The following RNF212B variants were observed in gnomAD, a reference collection of about 807,000 sequenced individuals.
RNF212B encodes ring finger protein 212B.
Under a neutral mutation model 55.5 loss-of-function variants are expected in RNF212B, and 52 were observed. The observed-to-expected ratio is 0.94, with a 90% CI of 0.75 to 1.18. The LOEUF (loss-of-function observed/expected upper bound fraction) is 1.18, where lower values mean the gene tolerates loss of function less well. Among genes scored for constraint, RNF212B ranks in the 50% most tolerant of loss-of-function variants. The probability of loss-of-function intolerance (pLI) is 0.00; values close to 1 mark genes in which losing one functional copy is unlikely to be tolerated. For missense variants in RNF212B, 289 were observed against 350.4 expected (o/e 0.82, Z 1.40); for synonymous variants, 99 against 121.4 (o/e 0.82, Z 1.21).
intron 2 of RNF212B, among the ~76,000 whole-genome samples, chr14:23,208,777 G>GTTTTTTTTTTTTTTTTT (rs1880134380): frequency 3.6e-5 from 1 of 28,108 alleles, no homozygotes; most frequent in African/African-American, 8.1e-5. Context: ...TTTTTTTTTT[G>GTTTTTTTTTTTTTTTTT]AGACGGAGTC....
chr14:23,260,698 T>C lies in RNF212B; in HGVS notation c.434+11T>C. On this transcript the variant is annotated intron_variant, in intron 7 of 14. Transcript: ENST00000430154. ...GTACCAAGGAAGCAGGTCAGTTTTA[T>C]CAGCTCCCATACTAGCCCAGCCCCC... is the stretch of plus-strand genomic sequence containing the variant. The C allele has an allele frequency of 6.5e-7, 1 of 1,550,262 alleles. No individual in the cohort carries two copies. Among genetic ancestry groups the C allele is most frequent in the Non-Finnish European group, 8.7e-7 (1 of 1,146,714 alleles).
At chr14:23,217,450 C>G (rs1881199062) in intron 2 of RNF212B, among the ~76,000 whole-genome samples, 5 of 152,298 alleles carry the variant, frequency 3.3e-5, no homozygotes, top group Admixed American at 3.3e-4. Context: ...AAGAGAAGGG[C>G]CTTGGCCAAG....
chr14:23,226,351 C>T (rs1882015057), intron 2 of RNF212B, among the ~76,000 whole-genome samples: 1 of 150,544 alleles, frequency 6.6e-6, no homozygotes, highest in South Asian at 2.1e-4. Flanking sequence ...GAACACGGGG[C>T]CGGGCGCGGT....
At chr14:23,218,757 G>C (rs762945149) in intron 2 of RNF212B, among the ~76,000 whole-genome samples, 3 of 152,140 alleles carry the variant, frequency 2.0e-5, no homozygotes, top group Admixed American at 1.3e-4. Flanking sequence ...GAGAAAGAGA[G>C]CTAGGGGTAG....
chr14:23,212,140 A>T (rs1443156426), intron 2 of RNF212B, among the ~76,000 whole-genome samples: 1 of 152,268 alleles, frequency 6.6e-6, no homozygotes, highest in Admixed American at 6.5e-5. Flanking sequence ...AACATCCTTG[A>T]AAGGGCACTT....
chr14:23,238,737 AAATAATAAT>A (rs34688858), intron 1 of RNF212B, among the ~76,000 whole-genome samples: 1,477 of 136,232 alleles, frequency 0.011, 23 homozygotes, highest in East Asian at 0.034. Flanking sequence ...CCCTGTCTCA[AAATAATAAT>A]AATAATAATA....
chr14:23,201,872 C>T (rs1268717955), intron 2 of RNF212B, among the ~76,000 whole-genome samples: 5 of 152,112 alleles, frequency 3.3e-5, no homozygotes, highest in Non-Finnish European at 7.4e-5. Context: ...CTTGCTTTTC[C>T]AAATTTTGTA....
chr14:23,226,812 C>CTTTT (rs111452590), intron 2 of RNF212B, among the ~76,000 whole-genome samples: 4 of 128,772 alleles, frequency 3.1e-5, no homozygotes, highest in Admixed American at 8.7e-5. Flanking sequence ...TCTTCTTCTT[C>CTTTT]TTTTTTTTTT....
intron 2 of RNF212B, among the ~76,000 whole-genome samples, chr14:23,218,888 G>C (rs753592478): frequency 6.6e-6 from 1 of 151,900 alleles, no homozygotes; most frequent in Admixed American, 6.6e-5. Context: ...GTACCTCCGG[G>C]CATTTAATAA....
chr14:23,256,634 A>T (rs554616608), intron 4 of RNF212B, among the ~76,000 whole-genome samples: 1 of 152,170 alleles, frequency 6.6e-6, no homozygotes, highest in African/African-American at 2.4e-5. Flanking sequence ...GGTCTCCCAA[A>T]GTGCTAGGAT....
chr14:23,212,838 T>C (rs550434356), intron 2 of RNF212B, among the ~76,000 whole-genome samples: 1 of 152,080 alleles, frequency 6.6e-6, no homozygotes, highest in Non-Finnish European at 1.5e-5. Flanking sequence ...AATACCACTT[T>C]TTAGTTTTTG....
rs1883732109 is a variant in RNF212B at position 23,243,252 on chromosome 14, C to T, written c.101-4C>T. The T allele has an allele frequency of 3.2e-6, 5 of 1,549,206 alleles. No homozygotes were observed. The highest frequency in any genetic ancestry group is 4.4e-6 in the Non-Finnish European group (5 of 1,146,606). ...CCAAATATTTTTTTCCCTTTTCCTC[C>T]CAGAAAAATGTGCTGTTTGTGGAAC... On this transcript the variant is annotated splice_region_variant and splice_polypyrimidine_tract_variant and intron_variant, in intron 2 of 14. Coordinates refer to ENST00000430154, the MANE Select transcript of RNF212B (RefSeq NM_001282322.3).
rs370815327 is a variant in RNF212B at position 23,207,128 on chromosome 14, AG to A, written c.-2+13728del. ...TAGGACAAAATGCTGCTATTTCAGA[AG>A]TACAGCCAACAACAAGAGTTAAGCG... On this transcript the variant is annotated intron_variant, in intron 2 of 15. Coordinates refer to the RNF212B transcript ENST00000399910. 3.2e-4 allele frequency among the ~76,000 whole-genome samples: 48 copies of A among 152,330 alleles called. 1 individual carries two copies. The highest frequency in any genetic ancestry group is 1.1e-3 in the African/African-American group (45 of 41,568).
At position 23,218,637 on chromosome 14, in the gene RNF212B, G is replaced by A. The variant is rs117225862; in HGVS notation, c.-1-21708G>A. Reference sequence around the variant, plus strand: ...AAGAAAATACAGAGTCAGAGGAGACGAAAGAAAATAAAAAACAATAAAGCA... The same window carrying A: ...AAGAAAATACAGAGTCAGAGGAGACAAAAGAAAATAAAAAACAATAAAGCA... On this transcript the variant is annotated intron_variant, in intron 2 of 15. Coordinates refer to the RNF212B transcript ENST00000399910. Among the ~76,000 whole-genome samples the A allele has an allele frequency of 5.3e-5, 8 of 151,892 alleles. No individual in the cohort carries two copies. In the East Asian group the frequency reaches 1.5e-3, roughly 29 times the overall value.
intron 2 of RNF212B, among the ~76,000 whole-genome samples, chr14:23,205,232 C>G (rs1879718059): frequency 6.6e-6 from 1 of 151,012 alleles, no homozygotes; most frequent in African/African-American, 2.4e-5. Flanking sequence ...TTCCTGGTTC[C>G]TTTTACCTTG....
chr14:23,234,297 C>CGTGTGT (rs368094093), upstream of RNF212B, among the ~76,000 whole-genome samples: 1 of 148,752 alleles, frequency 6.7e-6, no homozygotes, highest in Non-Finnish European at 1.5e-5. Context: ...CTTTACTTTT[C>CGTGTGT]GTGTGTGTGT....
At chr14:23,260,603 T>C in intron 6 of RNF212B, 56 bp from the exon 7 acceptor site, 4 of 1,491,732 alleles carry the variant, frequency 2.7e-6, no homozygotes, top group East Asian at 2.5e-5. Flanking sequence ...ACTGAAGATC[T>C]GTTGATTAGG....
chr14:23,226,715 C>T (rs117315937), intron 2 of RNF212B, among the ~76,000 whole-genome samples: 1,526 of 152,106 alleles, frequency 0.01, 8 homozygotes, highest in Middle Eastern at 0.021. Flanking sequence ...TGGTGCTGGA[C>T]CAGTCTCGTC....
At chr14:23,199,859 G>A (rs1879111214) in intron 2 of RNF212B, among the ~76,000 whole-genome samples, 2 of 151,956 alleles carry the variant, frequency 1.3e-5, no homozygotes, top group South Asian at 4.1e-4. Context: ...AGTTAGCTGG[G>A]CTTTAAGAAA....
Sources: gnomAD v4.1 joint callset for allele counts (sites outside exome capture counted in the v4.1 genomes callset) on GRCh38, gnomAD v4.1.1 for gene constraint, MANE v1.5 for transcripts, NCBI Gene and HGNC (gene_info 2026-07-23, HGNC 2026-07-21) for gene names.